ABCC5: variants seen among roughly 807,000 people sequenced by gnomAD.
ABCC5 encodes the protein ATP binding cassette subfamily C member 5.
A neutral mutation model predicts 160.9 loss-of-function variants in ABCC5; 61 were observed. The ratio of observed to expected loss-of-function variants is 0.38; its 90% CI spans 0.31 to 0.47. The LOEUF is 0.47. ABCC5 is among the 20% of genes least tolerant of loss of function. The pLI, the probability that ABCC5 is intolerant of heterozygous loss-of-function variation, is 0.99. For synonymous variants in ABCC5, 666 were observed against 700.6 expected, an observed-to-expected ratio of 0.95 and a Z score of 0.78; for missense variants, 1,308 against 1,813.3, an observed-to-expected ratio of 0.72 and a Z score of 5.06.
At chr3:183,955,181 C>G (rs1370615222) in intron 17 of ABCC5, among the ~76,000 whole-genome samples, 1 of 152,138 alleles carries the variant, frequency 6.6e-6, no homozygotes, top group Non-Finnish European at 1.5e-5. Context: ...AGGAGATTCT[C>G]TACGTAATGC....
intron 26 of ABCC5, among the ~76,000 whole-genome samples, chr3:183,933,502 G>A (rs898174081): frequency 2.0e-5 from 3 of 152,138 alleles, no homozygotes; most frequent in African/African-American, 7.2e-5. Context: ...CTAGGGCCAT[G>A]AGACAGAGGC....
Position 183,988,480 on chromosome 3 carries a change from C to T in ABCC5, c.443+92G>A, listed in dbSNP as rs1719423947. On this transcript the variant is annotated intron_variant, in intron 4 of 29. Coordinates refer to ENST00000334444, the MANE Select transcript of ABCC5 (RefSeq NM_005688.4). This position sits in a 1 kb window ranked among gnomAD's most constrained non-coding sequence, Gnocchi z 4.4. The stretch of plus-strand genomic sequence containing the variant: ...CCGCCCTCCACTGGACAGCTCGGCT[C>T]TTTAAAGACACAGAGCTGTGGACTT... 1 of 1,493,300 alleles carries T rather than the reference C, an allele frequency of 6.7e-7. No individual in the cohort carries two copies. Among genetic ancestry groups the T allele is most frequent in the Admixed American group, 2.3e-5 (1 of 43,574 alleles). 92.5% of individuals were successfully genotyped at this position (1,493,300 alleles called of 1,614,324 possible).
At chr3:183,984,575 A>T in intron 5 of ABCC5, 1 of 1,338,388 alleles carries the variant, frequency 7.5e-7, no homozygotes, top group Non-Finnish European at 9.6e-7. Flanking sequence ...GATCCCCACC[A>T]ATCAGATTTT....
In ABCC5 at chr3:183,987,380, C is replaced by A. The variant is rs1176800996; in HGVS notation, c.591+390G>T. 1 of 446,538 alleles carries A rather than the reference C, an allele frequency of 2.2e-6. No individual in the cohort carries two copies. Among genetic ancestry groups the A allele is most frequent in the Non-Finnish European group, 4.0e-6 (1 of 250,458 alleles). 27.7% of individuals were successfully genotyped at this position (446,538 alleles called of 1,614,324 possible). On this transcript the variant is annotated intron_variant, in intron 5 of 29. Coordinates refer to ENST00000334444, the MANE Select transcript of ABCC5 (RefSeq NM_005688.4). The surrounding 1 kb of genome is among the most constrained non-coding windows in gnomAD (Gnocchi z 4.2). ...CAAACATGTGATAACTGCCTCCAGG[C>A]ACTTGGTATGTTCCCGGTGCTGGCT...
intron 25 of ABCC5, among the ~76,000 whole-genome samples, chr3:183,941,628 A>T (rs1714360321): frequency 6.6e-6 from 1 of 152,026 alleles, no homozygotes; most frequent in African/African-American, 2.4e-5. Context: ...CTCTTATACA[A>T]GGATAAAAAG....
intron 14 of ABCC5, 107 bp downstream of exon 14, chr3:183,965,078 T>G: frequency 8.7e-7 from 1 of 1,147,982 alleles, no homozygotes; most frequent in Admixed American, 2.0e-5. Context: ...ACAGCCTAAC[T>G]CCCTGTGAGG....
chr3:183,965,773 T>C (rs778826825), intron 12 of ABCC5, among the ~76,000 whole-genome samples: 11 of 152,162 alleles, frequency 7.2e-5, no homozygotes, highest in Non-Finnish European at 1.5e-5. Flanking sequence ...TGCAAACTGT[T>C]TAAATTAGGA....
chr3:184,004,290 C>A (rs1000688955), intron 2 of ABCC5, among the ~76,000 whole-genome samples: 1 of 151,050 alleles, frequency 6.6e-6, no homozygotes, highest in Non-Finnish European at 1.5e-5. Flanking sequence ...GCAGGTGGAT[C>A]ACTTGAGGTC....
intron 26 of ABCC5, among the ~76,000 whole-genome samples, chr3:183,930,085 T>C (rs1474660586): frequency 1.3e-5 from 2 of 152,244 alleles, no homozygotes; most frequent in African/African-American, 4.8e-5. Flanking sequence ...ATCTGAAAAG[T>C]ATATTTGCTT....
chr3:183,927,558 C>T (rs1176350188), intron 27 of ABCC5, 115 bp from the exon 28 acceptor site: 2 of 1,460,942 alleles, frequency 1.4e-6, no homozygotes, highest in Non-Finnish European at 1.8e-6. Flanking sequence ...TAGCCAAGAA[C>T]CTGTCTCATC....
intron 2 of ABCC5, among the ~76,000 whole-genome samples, chr3:183,990,907 A>T (rs1018452428): frequency 1.3e-5 from 2 of 152,206 alleles, no homozygotes; most frequent in Non-Finnish European, 2.9e-5. Flanking sequence ...CCTGTTGTAG[A>T]AGCAGAAGCT....
chr3:183,972,157 A>G, intron 10 of ABCC5: 2 of 728,492 alleles, frequency 2.7e-6, no homozygotes, highest in Non-Finnish European at 2.3e-6. Context: ...TCCACATGAC[A>G]AATTACATGC....
intron 29 of ABCC5, among the ~76,000 whole-genome samples, chr3:183,922,584 G>T (rs980260079): frequency 6.6e-6 from 1 of 152,170 alleles, no homozygotes; most frequent in African/African-American, 2.4e-5. Flanking sequence ...CCATTCCTAT[G>T]ATGGACTTCT....
chr3:183,978,404 C>G (rs1329949593), intron 9 of ABCC5, 99 bp downstream of exon 9: 1 of 1,460,594 alleles, frequency 6.8e-7, no homozygotes, highest in African/African-American at 1.4e-5. Context: ...TCTTGGCTCA[C>G]TGTAACCTCC....
At chr3:183,996,949 TCTGATGGAAATAC>T (rs1720337504) in intron 2 of ABCC5, among the ~76,000 whole-genome samples, 1 of 152,118 alleles carries the variant, frequency 6.6e-6, no homozygotes, top group Non-Finnish European at 1.5e-5. Context: ...AAATGAAATA[TCTGATGGAAATAC>T]AGGATATGAT....
At chr3:183,978,082 C>A (rs3792581) in intron 9 of ABCC5, among the ~76,000 whole-genome samples, 30,468 of 151,966 alleles carry the variant, frequency 0.2, 3,185 homozygotes, top group East Asian at 0.43. Flanking sequence ...GTTTTTGAGA[C>A]CTTCAATTAA....
chr3:183,950,132 A>G lies in ABCC5; in HGVS notation c.2945-7T>C, dbSNP rs774844253. On this transcript the variant is annotated splice_polypyrimidine_tract_variant and splice_region_variant and intron_variant, in intron 20 of 29. Transcript: ENST00000334444. The stretch of plus-strand genomic sequence containing the variant: ...AACGGCAGCCGCACGTCAACTGTGG[A>G]AACAAATAAAGGAGCAAGTGTCAGA... 6.2e-7 allele frequency: 1 copy of G among 1,609,280 alleles called. No individual in the cohort carries two copies. Among genetic ancestry groups the G allele is most frequent in the African/African-American group, 1.3e-5 (1 of 74,766 alleles).
At chr3:183,971,979 A>G (rs774389669) in intron 10 of ABCC5, 60 bp from the exon 11 acceptor site, 35 of 1,607,376 alleles carry the variant, frequency 2.2e-5, no homozygotes, top group Non-Finnish European at 3.0e-5. Context: ...CAGGGAGACA[A>G]GCCTAGGGCG....
intron 2 of ABCC5, among the ~76,000 whole-genome samples, chr3:183,994,376 AT>A (rs34821185): frequency 0.62 from 93,031 of 150,002 alleles, 29,347 homozygotes; most frequent in East Asian, 0.85. Context: ...TGGTATTGGC[AT>A]TTTTTTTTTT....
Sources: gnomAD v4.1 joint callset for allele counts (sites outside exome capture counted in the v4.1 genomes callset) on GRCh38, gnomAD v4.1.1 for gene constraint, Gnocchi (gnomAD v3.1) non-coding constraint, MANE v1.5 for transcripts, NCBI Gene and HGNC (gene_info 2026-07-23, HGNC 2026-07-21) for gene names.